The following RFX1 variants were observed in gnomAD, a reference collection of about 807,000 sequenced individuals.
The protein encoded by RFX1 is regulatory factor X1.
RFX1 carries 42 observed loss-of-function variants against 119.6 expected under a neutral mutation model. That is an observed-to-expected ratio of 0.35 (90% CI 0.27 to 0.45). The LOEUF (loss-of-function observed/expected upper bound fraction) is 0.45, where lower values mean the gene tolerates loss of function less well. RFX1 is among the 20% of genes least tolerant of loss of function. The pLI, the probability that RFX1 is intolerant of heterozygous loss-of-function variation, is 1.00. For missense variants in RFX1, 1,118 were observed against 1,368.1 expected (o/e 0.82, Z 2.88); for synonymous variants, 628 against 618.5 (o/e 1.02, Z -0.23).
intron 1 of RFX1, among the ~76,000 whole-genome samples, chr19:14,003,277 G>C (rs1975274682): frequency 6.6e-6 from 1 of 151,888 alleles, no homozygotes; most frequent in Admixed American, 6.6e-5. Flanking sequence ...CCCAAATTGA[G>C]CCACTGTGCC....
intron 9 of RFX1, among the ~76,000 whole-genome samples, chr19:13,971,454 C>G (rs968231185): frequency 6.6e-6 from 1 of 152,040 alleles, no homozygotes; most frequent in Non-Finnish European, 1.5e-5. Flanking sequence ...TCGAAGGGCC[C>G]GGTTGGGGTT....
In RFX1 at chr19:13,963,290, GGA is replaced by G. The variant is rs1568455811; in HGVS notation, c.2571-17_2571-16del. 6.9e-6 allele frequency: 11 copies of G among 1,603,400 alleles called. No individual in the cohort carries two copies. The highest frequency in any genetic ancestry group is 9.3e-6 in the Non-Finnish European group (11 of 1,177,692). On this transcript the variant is annotated splice_polypyrimidine_tract_variant and intron_variant, in intron 18 of 20. Transcript: ENST00000254325. ...TCACCATGGAGCTGGGGATGGAGAC[GGA>G]GAGGAGACCGTCAGGCCCCGTCCGG...
intron 8 of RFX1, among the ~76,000 whole-genome samples, chr19:13,975,119 G>T (rs529917129): frequency 1.2e-3 from 182 of 151,560 alleles, no homozygotes; most frequent in African/African-American, 4.2e-3. Context: ...ACTCTGGGAG[G>T]CCAAGGCGGG....
At chr19:13,991,503 T>C (rs184617676) in intron 2 of RFX1, among the ~76,000 whole-genome samples, 1 of 152,160 alleles carries the variant, frequency 6.6e-6, no homozygotes, top group African/African-American at 2.4e-5. Context: ...TCCGTCCATA[T>C]AGTAAAGAGT....
In RFX1 at chr19:13,968,677, G is replaced by T; in HGVS notation, c.1620C>A (p.Leu540=). The part of the protein sequence containing the change: ...RGQPFSQKQR[L]KPIQKMEGMT... ...TGCCTTCCATCTTCTGGATGGGCTT[G>T]AGCCTGGAGTAGAATGGGCAGGTGG... Residue 540 remains leucine (L), a synonymous_variant, in exon 12 of 21, where the codon CTC becomes CTA. Transcript: ENST00000254325. The surrounding 1 kb of genome is among the most constrained non-coding windows in gnomAD (Gnocchi z 5.5). The T allele has an allele frequency of 6.2e-7, 1 of 1,612,970 alleles. No homozygotes were observed.
intron 1 of RFX1, among the ~76,000 whole-genome samples, chr19:13,995,969 AGAG>A (rs1303621474): frequency 7.9e-5 from 12 of 151,988 alleles, no homozygotes; most frequent in African/African-American, 2.9e-4. Context: ...CAGAGGTTGC[AGAG>A]AGCTGTGAGC....
intron 4 of RFX1, among the ~76,000 whole-genome samples, chr19:13,982,465 G>A: frequency 6.6e-6 from 1 of 152,176 alleles, no homozygotes; most frequent in East Asian, 1.9e-4. Context: ...CGGCAGAGCC[G>A]GAGTTGTTGT....
chr19:13,968,994 TGGATAGA>T lies in RFX1; in HGVS notation c.1497-107_1497-101del. On this transcript the variant is annotated intron_variant, in intron 10 of 20. Coordinates refer to ENST00000254325, the MANE Select transcript of RFX1 (RefSeq NM_002918.5). The surrounding 1 kb of genome is among the most constrained non-coding windows in gnomAD (Gnocchi z 5.5). ...ACCCGTCTCCTCTCTGTTAGGAGAA[TGGATAGA>T]GAGACGCCTGCCCTGCAGAGACGGG... 7.5e-7 allele frequency: 1 copy of T among 1,335,790 alleles called. No homozygotes were observed. The highest frequency in any genetic ancestry group is 1.0e-6 in the Non-Finnish European group (1 of 983,964). 82.7% of individuals were successfully genotyped at this position (1,335,790 alleles called of 1,614,324 possible).
At chr19:14,004,276 G>A (rs949222999) in intron 1 of RFX1, among the ~76,000 whole-genome samples, 8 of 152,096 alleles carry the variant, frequency 5.3e-5, no homozygotes, top group South Asian at 2.1e-4. Context: ...TTGGGAGGCC[G>A]AGGCAGGTAA....
At chr19:13,989,062 T>TA (rs1360616967) in intron 2 of RFX1, among the ~76,000 whole-genome samples, 1 of 149,690 alleles carries the variant, frequency 6.7e-6, no homozygotes, top group African/African-American at 2.5e-5. Context: ...GCAATGGGGG[T>TA]AGGGGCAGGG....
At chr19:13,976,633 G>A (rs891676216) in intron 8 of RFX1, among the ~76,000 whole-genome samples, 3 of 152,216 alleles carry the variant, frequency 2.0e-5, no homozygotes, top group Non-Finnish European at 2.9e-5. Flanking sequence ...CAGGACCCAC[G>A]AGGACACATG....
intron 2 of RFX1, among the ~76,000 whole-genome samples, chr19:13,984,421 C>T (rs1293265767): frequency 6.6e-6 from 1 of 152,176 alleles, no homozygotes; most frequent in Admixed American, 6.5e-5. Context: ...GCGGGGCCTT[C>T]GCGGGGCTGG....
At position 13,962,599 on chromosome 19, in the gene RFX1, G is replaced by T; in HGVS notation, c.*96C>A. ...TCTCGGAGTCCCCCTCCCTGCCCTGGCTGAGGCTGGAGCAGTGACCACGAA... is the reference window on the plus strand; with the variant it reads ...TCTCGGAGTCCCCCTCCCTGCCCTGTCTGAGGCTGGAGCAGTGACCACGAA... On this transcript the variant is annotated 3_prime_UTR_variant, in exon 21 of 21. Coordinates refer to ENST00000254325, the MANE Select transcript of RFX1 (RefSeq NM_002918.5). 2.8e-6 allele frequency: 3 copies of T among 1,066,614 alleles called. No individual in the cohort carries two copies. The highest frequency in any genetic ancestry group is 3.9e-6 in the Non-Finnish European group (3 of 771,228). 66.1% of individuals were successfully genotyped at this position (1,066,614 alleles called of 1,614,324 possible). A position where few individuals can be genotyped will look rare whatever the true frequency, so the allele number is the denominator to read the frequency against.
At chr19:13,970,625 A>ACTATACTC (rs1974047711) in intron 9 of RFX1, among the ~76,000 whole-genome samples, 1 of 137,724 alleles carries the variant, frequency 7.3e-6, no homozygotes, top group African/African-American at 2.8e-5. Context: ...TGGTCAAGCC[A>ACTATACTC]CTATACTCCA....
chr19:13,966,601 C>T lies in RFX1; in HGVS notation c.1851+32G>A, dbSNP rs781611882. The T allele has an allele frequency of 1.3e-5, 20 of 1,551,948 alleles. No individual in the cohort carries two copies. The highest frequency in any genetic ancestry group is 1.7e-5 in the Non-Finnish European group (19 of 1,139,632). On this transcript the variant is annotated intron_variant, in intron 13 of 20. Coordinates refer to ENST00000254325, the MANE Select transcript of RFX1 (RefSeq NM_002918.5). The surrounding 1 kb of genome is among the most constrained non-coding windows in gnomAD (Gnocchi z 6.3). ...CCTCCCATGCCCGTGGCTGCGTCCCCGTCCACTTGCCTGCCCACCTGGCCA... is the reference window on the plus strand; with the variant it reads ...CCTCCCATGCCCGTGGCTGCGTCCCTGTCCACTTGCCTGCCCACCTGGCCA...
At chr19:13,997,061 C>CGG (rs1975054618) in intron 1 of RFX1, among the ~76,000 whole-genome samples, 1 of 149,448 alleles carries the variant, frequency 6.7e-6, no homozygotes, top group African/African-American at 2.6e-5. Flanking sequence ...GGCATCTTGC[C>CGG]GGTCTTCCAA....
At chr19:13,977,716 C>CA (rs1321378416) in intron 8 of RFX1, among the ~76,000 whole-genome samples, 4 of 135,894 alleles carry the variant, frequency 2.9e-5, no homozygotes, top group African/African-American at 1.1e-4. Flanking sequence ...CGTGCCTGGC[C>CA]TTTTTTTTTT....
At position 13,962,319 on chromosome 19, in the gene RFX1, A is replaced by T. The variant is rs1973710440; in HGVS notation, c.*376T>A. 4.0e-6 allele frequency: 1 copy of T among 249,364 alleles called. No individual in the cohort carries two copies. The highest frequency in any genetic ancestry group is 7.8e-6 in the Non-Finnish European group (1 of 128,922). The allele number at this position is 249,364 out of a possible 1,614,324, so 15.4% of individuals were successfully genotyped here. A position where few individuals can be genotyped will look rare whatever the true frequency, so the allele number is the denominator to read the frequency against. Reference sequence around the variant, plus strand: ...CAGGCTGTGCAAAGCCAGCGAGCTGAATAAGTTAACAGTTTCGCACGGGAG... The same window carrying T: ...CAGGCTGTGCAAAGCCAGCGAGCTGTATAAGTTAACAGTTTCGCACGGGAG... On this transcript the variant is annotated 3_prime_UTR_variant, in exon 21 of 21. Coordinates refer to ENST00000254325, the MANE Select transcript of RFX1 (RefSeq NM_002918.5).
At chr19:13,963,812 G>T (rs1328190202) in intron 17 of RFX1, 46 bp downstream of exon 17, 2 of 1,480,886 alleles carry the variant, frequency 1.4e-6, no homozygotes. Context: ...GGCCCGCCCC[G>T]TTAGGCTGCC....
Sources: gnomAD v4.1 joint callset for allele counts (sites outside exome capture counted in the v4.1 genomes callset) on GRCh38, gnomAD v4.1.1 for gene constraint, Gnocchi (gnomAD v3.1) non-coding constraint, MANE v1.5 for transcripts, NCBI Gene and HGNC (gene_info 2026-07-23, HGNC 2026-07-21) for gene names.